Variants in TCERG1L observed in about 807,000 individuals in gnomAD.
The protein encoded by TCERG1L is transcription elongation regulator 1-like protein.
Under a neutral mutation model 56.3 loss-of-function variants are expected in TCERG1L, and 37 were observed. The ratio of observed to expected loss-of-function variants is 0.66; its 90% CI spans 0.51 to 0.87. TCERG1L has a LOEUF of 0.87. Ranked by LOEUF, TCERG1L falls within the 40% of genes least tolerant of loss-of-function variation. The pLI, the probability that TCERG1L is intolerant of heterozygous loss-of-function variation, is 0.00. For missense variants in TCERG1L, 799 were observed against 774.2 expected (o/e 1.03, Z -0.38); for synonymous variants, 324 against 326.3 (o/e 0.99, Z 0.08).
Position 131,260,899 on chromosome 10 carries a change from G to A in TCERG1L, c.671-455C>T, listed in dbSNP as rs1846231627. Among the ~76,000 whole-genome samples, 1 of 152,190 alleles carries A rather than the reference G, an allele frequency of 6.6e-6. No individual in the cohort carries two copies. The highest frequency in any genetic ancestry group is 2.4e-5 in the African/African-American group (1 of 41,452). ...AGGGGCAGCTGTGGGCCAGGGTGGA[G>A]AGAGGTTTCCAGAGGACACCAGGCT... On this transcript the variant is annotated intron_variant, in intron 3 of 11. Transcript: ENST00000368642. The surrounding 1 kb of genome is among the most constrained non-coding windows in gnomAD (Gnocchi z 5.8).
chr10:131,195,100 A>T (rs74160866), intron 4 of TCERG1L, among the ~76,000 whole-genome samples: 3,046 of 152,144 alleles, frequency 0.02, 76 homozygotes, highest in South Asian at 0.1. Context: ...GCATGCTTGG[A>T]TCTTATAAGC....
At chr10:131,306,263 T>G (rs551871207) in intron 3 of TCERG1L, among the ~76,000 whole-genome samples, 1 of 152,222 alleles carries the variant, frequency 6.6e-6, no homozygotes, top group South Asian at 2.1e-4. Flanking sequence ...AATTCTGAAA[T>G]TTATCAAAAA....
Position 131,111,058 on chromosome 10 carries a change from T to C in TCERG1L, c.1395+5741A>G, listed in dbSNP as rs981868748. Among the ~76,000 whole-genome samples, 16 of 143,388 alleles carry C rather than the reference T, an allele frequency of 1.1e-4. 1 individual carries two copies. Among genetic ancestry groups the C allele is most frequent in the African/African-American group, 3.9e-4 (16 of 40,630 alleles). 94.1% of individuals were successfully genotyped at this position (143,388 alleles called of 152,430 possible). A position where few individuals can be genotyped will look rare whatever the true frequency, so the allele number is the denominator to read the frequency against. Reference sequence around the variant, plus strand: ...GATGACCAGAGAAAAGGGCGAAAGCTAGCAAAAGGATGGCACCTGCCGAGT... The same window carrying C: ...GATGACCAGAGAAAAGGGCGAAAGCCAGCAAAAGGATGGCACCTGCCGAGT... On this transcript the variant is annotated intron_variant, in intron 9 of 11. Coordinates refer to ENST00000368642, the MANE Select transcript of TCERG1L (RefSeq NM_174937.4).
chr10:131,093,972 G>T (rs1845213825), intron 11 of TCERG1L, among the ~76,000 whole-genome samples: 1 of 152,186 alleles, frequency 6.6e-6, no homozygotes, highest in Non-Finnish European at 1.5e-5. Context: ...CTGGCAAGTA[G>T]TGAGCCCCAA....
chr10:131,263,328 A>G (rs1846251105), intron 3 of TCERG1L, among the ~76,000 whole-genome samples: 2 of 152,228 alleles, frequency 1.3e-5, no homozygotes, highest in Non-Finnish European at 2.9e-5. Flanking sequence ...CTTAATAATA[A>G]CACACTTTAG....
intron 9 of TCERG1L, among the ~76,000 whole-genome samples, chr10:131,112,334 T>C (rs1435007970): frequency 3.5e-5 from 5 of 142,274 alleles, no homozygotes; most frequent in African/African-American, 1.2e-4. Flanking sequence ...ACCCGGCCCC[T>C]CCTGGGCCCA....
rs202168214 is a variant in TCERG1L at position 131,177,117 on chromosome 10, T to C, written c.857-10232A>G. On this transcript the variant is annotated intron_variant, in intron 4 of 11. Coordinates refer to ENST00000368642, the MANE Select transcript of TCERG1L (RefSeq NM_174937.4). ...AGACACATGCACACACAGACACGTG[T>C]ACACACAGAGATATGCACACACACA... Among the ~76,000 whole-genome samples the C allele has an allele frequency of 1.3e-3, 130 of 102,400 alleles. 1 individual carries two copies. The highest frequency in any genetic ancestry group is 7.9e-3 in the African/African-American group (121 of 15,270). The allele number at this position is 102,400 out of a possible 152,430, so 67.2% of individuals were successfully genotyped here.
chr10:131,186,787 C>T (rs922247920), intron 4 of TCERG1L, among the ~76,000 whole-genome samples: 1 of 152,152 alleles, frequency 6.6e-6, no homozygotes. Context: ...CAAGCTGCCC[C>T]AGACATCTGT....
intron 4 of TCERG1L, among the ~76,000 whole-genome samples, chr10:131,171,515 A>G (rs2133441205): frequency 6.6e-6 from 1 of 152,330 alleles, no homozygotes; most frequent in African/African-American, 2.4e-5. Context: ...GGCATATGCC[A>G]TGTAGTCATC....
At chr10:131,109,489 T>G (rs141889667) in intron 9 of TCERG1L, among the ~76,000 whole-genome samples, 103 of 151,536 alleles carry the variant, frequency 6.8e-4, no homozygotes, top group African/African-American at 2.3e-3. Context: ...TGTGTCTGTG[T>G]CTGTGGCTGT....
At chr10:131,293,272 T>C (rs1418905060) in intron 3 of TCERG1L, among the ~76,000 whole-genome samples, 1 of 152,220 alleles carries the variant, frequency 6.6e-6, no homozygotes, top group Non-Finnish European at 1.5e-5. Flanking sequence ...TCTGCATTGC[T>C]GATGGTTTCA....
In TCERG1L at chr10:131,147,295, G is replaced by A. The variant is rs191766523; in HGVS notation, c.1035-635C>T. ...TTTTTAAGCCCCTTATCTGTGAAAAGTTATCAGAAAAGATTAAAAAGAAAA... is the reference window on the plus strand; with the variant it reads ...TTTTTAAGCCCCTTATCTGTGAAAAATTATCAGAAAAGATTAAAAAGAAAA... On this transcript the variant is annotated intron_variant, in intron 6 of 11. Transcript: ENST00000368642. Among the ~76,000 whole-genome samples, 694 of 152,054 alleles carry A rather than the reference G, an allele frequency of 4.6e-3. 1 individual carries two copies. The highest frequency in any genetic ancestry group is 8.4e-3 in the Non-Finnish European group (571 of 67,992).
chr10:131,151,605 C>T (rs1198782558), intron 6 of TCERG1L, among the ~76,000 whole-genome samples: 1 of 152,130 alleles, frequency 6.6e-6, no homozygotes, highest in Non-Finnish European at 1.5e-5. Context: ...GGTGGCTTTT[C>T]CAGGTGCATG....
chr10:131,119,888 G>A (rs1466298796), intron 8 of TCERG1L, among the ~76,000 whole-genome samples: 1 of 152,180 alleles, frequency 6.6e-6, no homozygotes, highest in African/African-American at 2.4e-5. Flanking sequence ...GCCTCGTTAA[G>A]GGAACCCATG....
chr10:131,162,928 C>T (rs149810891), intron 6 of TCERG1L, 194 bp downstream of exon 6: 6 of 511,326 alleles, frequency 1.2e-5, no homozygotes, highest in Admixed American at 7.5e-5. Context: ...GATAGCTCAT[C>T]GCTTAAATGC....
chr10:131,291,397 A>ATTTTTT (rs1564835283), intron 3 of TCERG1L, among the ~76,000 whole-genome samples: 3 of 60,186 alleles, frequency 5.0e-5, no homozygotes, highest in African/African-American at 1.3e-4. Flanking sequence ...CATAAACAGC[A>ATTTTTT]TTTCTTTTTT....
chr10:131,224,399 G>A (rs1395739950), intron 4 of TCERG1L, among the ~76,000 whole-genome samples: 4 of 152,252 alleles, frequency 2.6e-5, no homozygotes, highest in East Asian at 1.9e-4. Flanking sequence ...CCTGAGCAAC[G>A]AGCCACATCC....
intron 4 of TCERG1L, among the ~76,000 whole-genome samples, chr10:131,249,338 G>A (rs1290485254): frequency 6.6e-6 from 1 of 152,196 alleles, no homozygotes; most frequent in Non-Finnish European, 1.5e-5. Flanking sequence ...CCCCAGCATA[G>A]GGGCTTCCAT....
chr10:131,172,295 A>G (rs1283646534), intron 4 of TCERG1L, among the ~76,000 whole-genome samples: 2 of 151,048 alleles, frequency 1.3e-5, no homozygotes, highest in South Asian at 4.2e-4. Flanking sequence ...AAGTGAATGG[A>G]CCCCACGGGG....
Sources: gnomAD v4.1 joint callset for allele counts (sites outside exome capture counted in the v4.1 genomes callset) on GRCh38, gnomAD v4.1.1 for gene constraint, Gnocchi (gnomAD v3.1) non-coding constraint, MANE v1.5 for transcripts, NCBI Gene and HGNC (gene_info 2026-07-23, HGNC 2026-07-21) for gene names.